Variants in CLIC4 observed in about 807,000 individuals in gnomAD.
CLIC4 encodes the protein chloride intracellular channel protein 4.
A neutral mutation model predicts 24.6 loss-of-function variants in CLIC4; 13 were observed. The observed-to-expected ratio is 0.53, with a 90% CI of 0.34 to 0.84. The LOEUF (loss-of-function observed/expected upper bound fraction) is 0.84. CLIC4 is among the 40% of genes least tolerant of loss of function. The pLI, the probability that CLIC4 is intolerant of heterozygous loss-of-function variation, is 0.01. For synonymous variants in CLIC4, 104 were observed against 111.3 expected (o/e 0.93, Z 0.41); for missense variants, 227 against 301.7 (o/e 0.75, Z 1.83).
chr1:24,772,076 C>G (rs1311081108), intron 1 of CLIC4, among the ~76,000 whole-genome samples: 1 of 152,100 alleles, frequency 6.6e-6, no homozygotes, highest in East Asian at 1.9e-4. Context: ...AGAGCCAATA[C>G]AAATTCTTCA....
chr1:24,762,635 G>T (rs1638943136), intron 1 of CLIC4, among the ~76,000 whole-genome samples: 1 of 152,180 alleles, frequency 6.6e-6, no homozygotes, highest in Non-Finnish European at 1.5e-5. Flanking sequence ...AGGTTTGTAA[G>T]GAGGGAGTGA....
chr1:24,781,525 T>C (rs1639205431), intron 1 of CLIC4, among the ~76,000 whole-genome samples: 1 of 151,920 alleles, frequency 6.6e-6, no homozygotes. Context: ...GTTAATGTGA[T>C]TGTAGTCACA....
chr1:24,759,976 C>G (rs1638900615), intron 1 of CLIC4, among the ~76,000 whole-genome samples: 1 of 151,990 alleles, frequency 6.6e-6, no homozygotes, highest in Non-Finnish European at 1.5e-5. Flanking sequence ...AAAACCAAAC[C>G]AAAACAAACT....
At chr1:24,748,862 A>G (rs1430920814) in intron 1 of CLIC4, among the ~76,000 whole-genome samples, 2 of 152,010 alleles carry the variant, frequency 1.3e-5, no homozygotes, top group East Asian at 1.9e-4. Flanking sequence ...GGCATTCTTG[A>G]TCTCTTCTCA....
At chr1:24,764,527 G>A (rs901207724) in intron 1 of CLIC4, among the ~76,000 whole-genome samples, 2 of 151,986 alleles carry the variant, frequency 1.3e-5, no homozygotes, top group South Asian at 4.1e-4. Flanking sequence ...TGAGGCACAC[G>A]CCTATGGTCC....
chr1:24,817,113 G>A (rs1024552799), intron 3 of CLIC4, among the ~76,000 whole-genome samples: 2 of 152,096 alleles, frequency 1.3e-5, no homozygotes, highest in Non-Finnish European at 2.9e-5. Flanking sequence ...TTCAATAGAA[G>A]GTTTTGTCTG....
chr1:24,751,720 C>T lies in CLIC4; in HGVS notation c.72+6095C>T, dbSNP rs540980093. Among the ~76,000 whole-genome samples, 69 of 152,160 alleles carry T rather than the reference C, an allele frequency of 4.5e-4. 1 individual carries two copies. Among genetic ancestry groups the T allele is most frequent in the African/African-American group, 1.4e-3 (60 of 41,520 alleles). ...CTCTACTAAAAATACAAAAATTAGC[C>T]GGTCGTGGTGGCGGGCGCCTGTAAT... is the stretch of plus-strand genomic sequence containing the variant. On this transcript the variant is annotated intron_variant, in intron 1 of 5. Transcript: ENST00000374379.
chr1:24,767,616 G>A (rs1639017354), intron 1 of CLIC4, among the ~76,000 whole-genome samples: 1 of 152,126 alleles, frequency 6.6e-6, no homozygotes, highest in African/African-American at 2.4e-5. Context: ...GTAACTAAAG[G>A]ACAGTCAGAT....
chr1:24,824,798 A>G (rs551633629), intron 3 of CLIC4, among the ~76,000 whole-genome samples: 1 of 152,066 alleles, frequency 6.6e-6, no homozygotes, highest in African/African-American at 2.4e-5. Context: ...CAGGAGTTCA[A>G]CACTAGCCTG....
chr1:24,770,026 T>A (rs975221919), intron 1 of CLIC4, among the ~76,000 whole-genome samples: 3 of 152,194 alleles, frequency 2.0e-5, no homozygotes, highest in African/African-American at 7.2e-5. Flanking sequence ...CTAATTTTTT[T>A]TAAATTAATT....
chr1:24,828,129 C>A (rs1639804993), intron 4 of CLIC4, among the ~76,000 whole-genome samples: 1 of 152,142 alleles, frequency 6.6e-6, no homozygotes, highest in Admixed American at 6.5e-5. Context: ...GAAATACTTG[C>A]TAATTTCCTT....
At chr1:24,796,399 G>C (rs569577487) in intron 1 of CLIC4, among the ~76,000 whole-genome samples, 1 of 152,138 alleles carries the variant, frequency 6.6e-6, no homozygotes, top group Non-Finnish European at 1.5e-5. Flanking sequence ...ATGTTGGCCA[G>C]GCTGGTCTCA....
chr1:24,823,684 G>T (rs1639757105), intron 3 of CLIC4, among the ~76,000 whole-genome samples: 1 of 147,230 alleles, frequency 6.8e-6, no homozygotes, highest in Non-Finnish European at 1.5e-5. Flanking sequence ...TGAGGCAGGA[G>T]AATCGCTTGA....
At chr1:24,816,022 C>G (rs1371684968) in intron 3 of CLIC4, among the ~76,000 whole-genome samples, 3 of 152,148 alleles carry the variant, frequency 2.0e-5, no homozygotes, top group African/African-American at 7.2e-5. Flanking sequence ...CTCATCCATT[C>G]AAATTTTATT....
intron 4 of CLIC4, among the ~76,000 whole-genome samples, chr1:24,831,789 C>T (rs934131834): frequency 1.8e-4 from 28 of 152,132 alleles, no homozygotes; most frequent in Middle Eastern, 3.2e-3. Context: ...CAGGCGTGCA[C>T]CACCATGCCT....
chr1:24,840,193 A>T, intron 5 of CLIC4, 152 bp downstream of exon 5: 1 of 602,348 alleles, frequency 1.7e-6, no homozygotes, highest in Non-Finnish European at 2.8e-6. Flanking sequence ...CCCTAGAGTT[A>T]GTTAAATGGA....
intron 1 of CLIC4, among the ~76,000 whole-genome samples, chr1:24,792,920 G>A (rs1459135968): frequency 1.3e-5 from 2 of 152,196 alleles, no homozygotes; most frequent in Non-Finnish European, 2.9e-5. Context: ...GACCACTGTA[G>A]GAGATTATGT....
At chr1:24,829,130 A>G (rs934648979) in intron 4 of CLIC4, among the ~76,000 whole-genome samples, 32 of 152,290 alleles carry the variant, frequency 2.1e-4, no homozygotes, top group African/African-American at 6.7e-4. Flanking sequence ...GACAATTTAC[A>G]CAGAGATGAA....
At chr1:24,838,553 T>A (rs1639908304) in intron 4 of CLIC4, among the ~76,000 whole-genome samples, 1 of 152,182 alleles carries the variant, frequency 6.6e-6, no homozygotes, top group Non-Finnish European at 1.5e-5. Context: ...CTTTACCTTT[T>A]TCCTTAAAGG....
Sources: allele counts gnomAD v4.1 joint callset (sites outside exome capture counted in the v4.1 genomes callset), GRCh38; gene constraint gnomAD v4.1.1; transcripts MANE v1.5; gene names NCBI Gene and HGNC (gene_info 2026-07-23, HGNC 2026-07-21).